The following JAKMIP2 variants were observed in gnomAD, a reference collection of about 807,000 sequenced individuals.
JAKMIP2 encodes the protein janus kinase and microtubule-interacting protein 2.
JAKMIP2 carries 25 observed loss-of-function variants against 115.0 expected under a neutral mutation model. The ratio of observed to expected loss-of-function variants is 0.22; its 90% CI spans 0.16 to 0.30. The LOEUF is 0.30. JAKMIP2 is among the 10% of genes least tolerant of loss of function. The pLI is 1.00. For synonymous variants in JAKMIP2, 334 were observed against 343.6 expected, an observed-to-expected ratio of 0.97 and a Z score of 0.31; for missense variants, 642 against 957.6, an observed-to-expected ratio of 0.67 and a Z score of 4.35.
At chr5:147,703,484 C>G (rs943688219) in intron 1 of JAKMIP2, among the ~76,000 whole-genome samples, 13 of 152,018 alleles carry the variant, frequency 8.6e-5, no homozygotes, top group Non-Finnish European at 1.8e-4. Flanking sequence ...AACGTGAAGA[C>G]CTAGTCATCA....
intron 1 of JAKMIP2, among the ~76,000 whole-genome samples, chr5:147,693,359 G>A (rs1280562529): frequency 6.6e-6 from 1 of 152,164 alleles, no homozygotes; most frequent in African/African-American, 2.4e-5. Context: ...TAAGCACATT[G>A]TAAACCTCCA....
At chr5:147,626,979 A>G (rs997183716) in intron 16 of JAKMIP2, among the ~76,000 whole-genome samples, 2 of 152,160 alleles carry the variant, frequency 1.3e-5, no homozygotes, top group African/African-American at 4.8e-5. Flanking sequence ...TGTCACTGAA[A>G]TGGTGTCTTA....
At chr5:147,739,172 T>A (rs1303689266) in intron 1 of JAKMIP2, among the ~76,000 whole-genome samples, 1 of 152,076 alleles carries the variant, frequency 6.6e-6, no homozygotes, top group Non-Finnish European at 1.5e-5. Context: ...CCCAGAACTT[T>A]AGAGGCAACA....
intron 1 of JAKMIP2, among the ~76,000 whole-genome samples, chr5:147,715,262 G>A (rs1014797424): frequency 6.6e-5 from 10 of 151,640 alleles, no homozygotes; most frequent in African/African-American, 2.4e-4. Flanking sequence ...AGCCATTTGG[G>A]CAGACAAAAA....
intron 1 of JAKMIP2, among the ~76,000 whole-genome samples, chr5:147,721,392 A>T (rs1421896678): frequency 6.6e-6 from 1 of 152,212 alleles, no homozygotes; most frequent in Non-Finnish European, 1.5e-5. Flanking sequence ...TGGAGCTTCG[A>T]GGCTGCTTTG....
chr5:147,782,461 T>C lies in JAKMIP2; in HGVS notation c.-154A>G. 1 of 1,536,002 alleles carries C rather than the reference T, an allele frequency of 6.5e-7. No homozygotes were observed. The highest frequency in any genetic ancestry group is 8.7e-7 in the Non-Finnish European group (1 of 1,146,840). On this transcript the variant is annotated 5_prime_UTR_variant, in exon 1 of 22. Transcript: ENST00000616793. The stretch of plus-strand genomic sequence containing the variant: ...CCCTACTGTTTCCTACTCACCATGC[T>C]GAGACCCGGAGAAGCTGTTTAAAGG...
chr5:147,752,144 TGATACATAAGGA>T (rs1266181780), intron 1 of JAKMIP2, among the ~76,000 whole-genome samples: 1 of 152,128 alleles, frequency 6.6e-6, no homozygotes, highest in Non-Finnish European at 1.5e-5. Flanking sequence ...GGATGACATC[TGATACATAAGGA>T]GGAATCAGTC....
In JAKMIP2 at chr5:147,634,910, A is replaced by C. The variant is rs946702039; in HGVS notation, c.1677+1312T>G. Among the ~76,000 whole-genome samples, 14 of 152,256 alleles carry C rather than the reference A, an allele frequency of 9.2e-5. 1 individual carries two copies. Among genetic ancestry groups the C allele is most frequent in the Non-Finnish European group, 2.9e-5 (2 of 68,042 alleles). ...GGGATAAGAAATATTCATAAAAACA[A>C]TTCTAAAATAATTTCTGCATAACTT... is the stretch of plus-strand genomic sequence containing the variant. On this transcript the variant is annotated intron_variant, in intron 12 of 21. Coordinates refer to ENST00000616793, the MANE Select transcript of JAKMIP2 (RefSeq NM_001270941.2).
At chr5:147,605,244 C>T (rs771663133) in intron 20 of JAKMIP2, among the ~76,000 whole-genome samples, 5 of 142,482 alleles carry the variant, frequency 3.5e-5, no homozygotes, top group African/African-American at 1.3e-4. Flanking sequence ...GAGTCTTGCT[C>T]TGTCGCCCAG....
rs778463429 is a variant in JAKMIP2 at position 147,660,940 on chromosome 5, G to C, written c.627+8C>G. Reference sequence around the variant, plus strand: ...TCTACATGGGTCTGATGGGATTACTGTACTAACCAGCCTCCGAATATCCCG... The same window carrying C: ...TCTACATGGGTCTGATGGGATTACTCTACTAACCAGCCTCCGAATATCCCG... On this transcript the variant is annotated splice_region_variant and intron_variant, in intron 3 of 21. Transcript: ENST00000616793. The C allele has an allele frequency of 2.5e-6, 4 of 1,613,426 alleles. No individual in the cohort carries two copies. The highest frequency in any genetic ancestry group is 3.4e-6 in the Non-Finnish European group (4 of 1,179,800).
chr5:147,596,637 GGATA>G (rs1436801480), intron 21 of JAKMIP2, among the ~76,000 whole-genome samples: 2 of 152,038 alleles, frequency 1.3e-5, no homozygotes, highest in Admixed American at 6.5e-5. Flanking sequence ...TCTGCACCTA[GGATA>G]GATAAGGCAC....
chr5:147,762,291 ATAGT>A (rs1715314158), intron 1 of JAKMIP2, among the ~76,000 whole-genome samples: 1 of 152,020 alleles, frequency 6.6e-6, no homozygotes, highest in African/African-American at 2.4e-5. Context: ...TTATTTTTTT[ATAGT>A]TACATTATAT....
intron 21 of JAKMIP2, among the ~76,000 whole-genome samples, chr5:147,597,036 C>T (rs184288177): frequency 0.021 from 1,867 of 90,284 alleles, 44 homozygotes; most frequent in African/African-American, 0.063. Flanking sequence ...CCATGCCTGG[C>T]TAATTTTTGT....
At chr5:147,751,259 T>G (rs945916002) in intron 1 of JAKMIP2, among the ~76,000 whole-genome samples, 91 of 150,072 alleles carry the variant, frequency 6.1e-4, no homozygotes, top group Non-Finnish European at 6.1e-4. Flanking sequence ...TGTTGTTGTT[T>G]TTTTTTTTTT....
At chr5:147,677,222 C>T (rs931060230) in intron 1 of JAKMIP2, among the ~76,000 whole-genome samples, 3 of 152,190 alleles carry the variant, frequency 2.0e-5, no homozygotes, top group Non-Finnish European at 4.4e-5. Flanking sequence ...GTAAGTGATG[C>T]TCTTGCACAG....
intron 13 of JAKMIP2, 81 bp from the exon 14 acceptor site, chr5:147,631,592 A>C: frequency 1.2e-6 from 1 of 838,548 alleles, no homozygotes; most frequent in South Asian, 1.8e-5. Flanking sequence ...TCTTTATGCT[A>C]TTTCAGCAGT....
intron 1 of JAKMIP2, among the ~76,000 whole-genome samples, chr5:147,694,506 AT>A (rs1396928884): frequency 6.6e-6 from 1 of 152,124 alleles, no homozygotes; most frequent in Non-Finnish European, 1.5e-5. Context: ...AGATCCTATA[AT>A]TGTCTAGTGA....
At chr5:147,709,849 C>CA (rs548401021) in intron 1 of JAKMIP2, among the ~76,000 whole-genome samples, 18 of 151,802 alleles carry the variant, frequency 1.2e-4, no homozygotes, top group South Asian at 8.3e-4. Context: ...GATTCCATCT[C>CA]AAAAAAAACA....
intron 1 of JAKMIP2, 56 bp downstream of exon 1, chr5:147,782,400 C>T: frequency 2.0e-6 from 3 of 1,517,746 alleles, no homozygotes; most frequent in Non-Finnish European, 2.7e-6. Context: ...AATGTATACA[C>T]AGGTCAAATA....
Sources: allele counts gnomAD v4.1 joint callset (sites outside exome capture counted in the v4.1 genomes callset), GRCh38; gene constraint gnomAD v4.1.1; transcripts MANE v1.5; gene names NCBI Gene and HGNC (gene_info 2026-07-23, HGNC 2026-07-21).